DNAJC1: variants seen among roughly 807,000 people sequenced by gnomAD.
DNAJC1 encodes the protein dnaJ homolog subfamily C member 1.
In DNAJC1, 58 loss-of-function variants were observed where a neutral mutation model predicts 76.6. The ratio of observed to expected loss-of-function variants is 0.76; its 90% CI spans 0.61 to 0.94. The LOEUF (loss-of-function observed/expected upper bound fraction) is 0.94, where lower values mean the gene tolerates loss of function less well. Among genes scored for constraint, DNAJC1 ranks in the 40% least tolerant of loss-of-function variants. The probability of loss-of-function intolerance (pLI) is 0.00; values close to 1 mark genes in which losing one functional copy is unlikely to be tolerated. For synonymous variants in DNAJC1, 258 were observed against 267.9 expected (o/e 0.96, Z 0.36); for missense variants, 689 against 677.3 (o/e 1.02, Z -0.19).
At chr10:21,988,705 C>G (rs1388293193) in intron 1 of DNAJC1, among the ~76,000 whole-genome samples, 1 of 152,052 alleles carries the variant, frequency 6.6e-6, no homozygotes, top group African/African-American at 2.4e-5. Context: ...TCTCTGAAGA[C>G]TGATTATAAG....
At chr10:21,967,724 G>A (rs927097258) in intron 1 of DNAJC1, among the ~76,000 whole-genome samples, 1 of 144,152 alleles carries the variant, frequency 6.9e-6, no homozygotes, top group Non-Finnish European at 1.5e-5. Context: ...GGTGAGGCAG[G>A]TCAACACATA....
chr10:21,952,111 T>C (rs1837606794), intron 1 of DNAJC1, among the ~76,000 whole-genome samples: 1 of 152,188 alleles, frequency 6.6e-6, no homozygotes, highest in Non-Finnish European at 1.5e-5. Context: ...TTAAGTGTAA[T>C]TATAAAAAAT....
chr10:21,782,451 C>T (rs576706624), intron 9 of DNAJC1, among the ~76,000 whole-genome samples: 1 of 152,144 alleles, frequency 6.6e-6, no homozygotes, highest in Non-Finnish European at 1.5e-5. Context: ...CAGCCGAATT[C>T]TACCAGAGGT....
At chr10:21,891,532 T>G (rs542935599) in intron 7 of DNAJC1, among the ~76,000 whole-genome samples, 1 of 148,850 alleles carries the variant, frequency 6.7e-6, no homozygotes, top group Non-Finnish European at 1.5e-5. Flanking sequence ...CTGGGAAGTT[T>G]TGGGACTCTG....
intron 8 of DNAJC1, among the ~76,000 whole-genome samples, chr10:21,837,622 C>T (rs1388994836): frequency 6.6e-6 from 1 of 151,002 alleles, no homozygotes; most frequent in Admixed American, 6.6e-5. Context: ...AAGTGAGGAG[C>T]CCCTCCGCCC....
At chr10:21,919,187 A>G (rs1301827156) in intron 5 of DNAJC1, among the ~76,000 whole-genome samples, 1 of 152,048 alleles carries the variant, frequency 6.6e-6, no homozygotes, top group Non-Finnish European at 1.5e-5. Flanking sequence ...ACTTTTGTAC[A>G]ACGAATTCTT....
At chr10:21,864,981 T>C (rs1835974975) in intron 8 of DNAJC1, among the ~76,000 whole-genome samples, 1 of 152,074 alleles carries the variant, frequency 6.6e-6, no homozygotes, top group Non-Finnish European at 1.5e-5. Context: ...GCATTATTAA[T>C]CTTTAGGGAG....
At chr10:21,817,684 A>G (rs1314893134) in intron 8 of DNAJC1, among the ~76,000 whole-genome samples, 8 of 152,346 alleles carry the variant, frequency 5.3e-5, no homozygotes, top group Non-Finnish European at 7.3e-5. Flanking sequence ...CAGGAACCCC[A>G]AACAGAGGGA....
rs182461163 is a variant in DNAJC1, at chr10:21,882,014, C to T, written c.978+268G>A. The stretch of plus-strand genomic sequence containing the variant: ...CTAAAAACACAAAAAATTAGCCAGG[C>T]GTGGTGGTGGGCACCTGTAGTCCCA... On this transcript the variant is annotated intron_variant, in intron 8 of 11. Coordinates refer to ENST00000376980, the MANE Select transcript of DNAJC1 (RefSeq NM_022365.4). Among the ~76,000 whole-genome samples the T allele has an allele frequency of 2.8e-3, 427 of 152,058 alleles. 7 individuals are homozygous for T. Among genetic ancestry groups the T allele is most frequent in the Non-Finnish European group, 4.7e-4 (32 of 67,976 alleles).
chr10:21,844,737 A>T (rs765852553), intron 8 of DNAJC1, among the ~76,000 whole-genome samples: 128 of 152,200 alleles, frequency 8.4e-4, no homozygotes, highest in Non-Finnish European at 1.6e-3. Flanking sequence ...CTGTTTTTTT[A>T]AAAAAATAGA....
At chr10:21,994,646 A>C (rs1166322956) in intron 1 of DNAJC1, among the ~76,000 whole-genome samples, 5 of 151,774 alleles carry the variant, frequency 3.3e-5, no homozygotes, top group Non-Finnish European at 7.4e-5. Context: ...AAAAAATTAG[A>C]CAGGCATGGT....
At chr10:21,875,858 G>C (rs1360218252) in intron 8 of DNAJC1, among the ~76,000 whole-genome samples, 1 of 152,146 alleles carries the variant, frequency 6.6e-6, no homozygotes, top group Non-Finnish European at 1.5e-5. Flanking sequence ...CTGGGAGGCG[G>C]AGGTTGCAGC....
intron 1 of DNAJC1, among the ~76,000 whole-genome samples, chr10:21,986,762 T>C (rs1838255415): frequency 6.6e-6 from 1 of 151,168 alleles, no homozygotes; most frequent in East Asian, 1.9e-4. Context: ...GGGAAATTTT[T>C]TGTTTTTTTT....
At chr10:21,793,198 T>C (rs541626455) in intron 9 of DNAJC1, among the ~76,000 whole-genome samples, 2 of 151,738 alleles carry the variant, frequency 1.3e-5, no homozygotes, top group African/African-American at 4.8e-5. Flanking sequence ...CCCAGCTACT[T>C]GGGAAGCTGA....
intron 1 of DNAJC1, among the ~76,000 whole-genome samples, chr10:21,999,643 C>T (rs1003790089): frequency 5.3e-5 from 8 of 151,916 alleles, no homozygotes; most frequent in Non-Finnish European, 1.0e-4. Context: ...TTAGTAGAAA[C>T]GGGGTTTTAC....
intron 1 of DNAJC1, among the ~76,000 whole-genome samples, chr10:21,974,300 T>C (rs1838029359): frequency 6.6e-6 from 1 of 152,104 alleles, no homozygotes; most frequent in African/African-American, 2.4e-5. Context: ...GACTAGAATG[T>C]CAAATACCGA....
At chr10:21,899,116 ACATATCTATG>A (rs1836600522) in intron 7 of DNAJC1, among the ~76,000 whole-genome samples, 1 of 152,172 alleles carries the variant, frequency 6.6e-6, no homozygotes, top group African/African-American at 2.4e-5. Context: ...CACTTCTCTC[ACATATCTATG>A]CAATCCATCA....
chr10:21,760,895 G>A (rs761076401), intron 10 of DNAJC1, among the ~76,000 whole-genome samples: 51 of 152,158 alleles, frequency 3.4e-4, no homozygotes, highest in Non-Finnish European at 5.9e-4. Flanking sequence ...AGTATTTTAG[G>A]CCAGGTGCAG....
At chr10:21,898,919 T>G (rs1257795112) in intron 7 of DNAJC1, among the ~76,000 whole-genome samples, 1 of 151,636 alleles carries the variant, frequency 6.6e-6, no homozygotes, top group Non-Finnish European at 1.5e-5. Context: ...GGTGAGTGAA[T>G]TCAGCACCTT....
Sources: allele counts gnomAD v4.1 joint callset (sites outside exome capture counted in the v4.1 genomes callset), GRCh38; gene constraint gnomAD v4.1.1; transcripts MANE v1.5; gene names NCBI Gene and HGNC (gene_info 2026-07-23, HGNC 2026-07-21).